The following MARCHF6 variants were observed in gnomAD, a reference collection of about 807,000 sequenced individuals.
The protein encoded by MARCHF6 is E3 ubiquitin-protein ligase MARCHF6.
In MARCHF6, 31 loss-of-function variants were observed where a neutral mutation model predicts 133.7. The observed-to-expected ratio is 0.23, with a 90% confidence interval of 0.17 to 0.31. The LOEUF is 0.31. Ranked by LOEUF, MARCHF6 falls within the 10% of genes least tolerant of loss-of-function variation. MARCHF6 has a pLI of 1.00. For synonymous variants in MARCHF6, 395 were observed against 402.5 expected (o/e 0.98, Z 0.22); for missense variants, 723 against 1,121.6 (o/e 0.64, Z 5.08).
chr5:10,417,823 T>C (rs1255498428), intron 22 of MARCHF6, among the ~76,000 whole-genome samples: 1 of 152,078 alleles, frequency 6.6e-6, no homozygotes, highest in East Asian at 1.9e-4. Context: ...TTTTTAATTC[T>C]AGGAACTCTT....
In MARCHF6 at chr5:10,384,941, ATCAG is replaced by A. The variant is rs1399242416; in HGVS notation, c.335-2049_335-2046del. On this transcript the variant is annotated intron_variant, in intron 4 of 25. Coordinates refer to ENST00000274140, the MANE Select transcript of MARCHF6 (RefSeq NM_005885.4). ...TTATTAATAGTACTTAAAAACTGATATCAGTCAAATGCCTATTAATAGTAGAATG... is the reference window on the plus strand; with the variant it reads ...TTATTAATAGTACTTAAAAACTGATATCAAATGCCTATTAATAGTAGAATG... Among the ~76,000 whole-genome samples the A allele has an allele frequency of 7.2e-4, 110 of 152,362 alleles. 1 individual carries two copies. Among genetic ancestry groups the A allele is most frequent in the Non-Finnish European group, 1.8e-4 (12 of 68,032 alleles).
Position 10,433,872 on chromosome 5 carries a change from G to A in MARCHF6, c.*188G>A, listed in dbSNP as rs1740484617. On this transcript the variant is annotated 3_prime_UTR_variant, in exon 26 of 26. Coordinates refer to ENST00000274140, the MANE Select transcript of MARCHF6 (RefSeq NM_005885.4). ...TCTCCCTGGATCTTCTGACATTACT[G>A]CTGTCTGAGATTTGTATATGTGTAA... 3 of 584,532 alleles carry A rather than the reference G, an allele frequency of 5.1e-6. No homozygotes were observed. The East Asian group carries it at 8.8e-5, about 17-fold the overall frequency. 36.2% of individuals were successfully genotyped at this position (584,532 alleles called of 1,614,324 possible).
intron 10 of MARCHF6, among the ~76,000 whole-genome samples, chr5:10,399,452 C>T (rs1054056678): frequency 6.6e-6 from 1 of 151,912 alleles, no homozygotes; most frequent in East Asian, 1.9e-4. Context: ...GTTTCCCACT[C>T]CCCTGGTAAT....
At chr5:10,366,693 T>C (rs1460552595) in intron 1 of MARCHF6, among the ~76,000 whole-genome samples, 1 of 152,170 alleles carries the variant, frequency 6.6e-6, no homozygotes, top group African/African-American at 2.4e-5. Context: ...TTAGAATTTA[T>C]TGGGTAGAAA....
intron 1 of MARCHF6, among the ~76,000 whole-genome samples, chr5:10,367,292 A>G (rs1736194670): frequency 6.6e-6 from 1 of 152,164 alleles, no homozygotes; most frequent in African/African-American, 2.4e-5. Flanking sequence ...TGAGTTAATG[A>G]CAATGTATCA....
intron 1 of MARCHF6, among the ~76,000 whole-genome samples, chr5:10,360,434 C>A (rs750435665): frequency 6.6e-6 from 1 of 152,060 alleles, no homozygotes; most frequent in South Asian, 2.1e-4. Flanking sequence ...CCACCGCGCC[C>A]GGCTGTATGT....
intron 3 of MARCHF6, among the ~76,000 whole-genome samples, 195 bp downstream of exon 3, chr5:10,379,027 C>G (rs367786370): frequency 4.3e-4 from 66 of 151,730 alleles, no homozygotes; most frequent in African/African-American, 1.5e-3. Context: ...AAACTGTATG[C>G]TGTCTTTTAT....
rs1205217572 is a variant in MARCHF6, at chr5:10,430,002, C to T, written c.2616C>T (p.Arg872=). ...ILSFQVRQFK[R]LYEHIKNDKY... ...CCTTCCAAGTCCGCCAGTTTAAGCG[C>T]CTTTATGAACATATTAAAAATGACA... Residue 872 remains arginine, a synonymous_variant, in exon 25 of 26, where the codon CGC becomes CGT. Transcript: ENST00000274140. 1.9e-6 allele frequency: 3 copies of T among 1,611,616 alleles called. No homozygotes were observed. Among genetic ancestry groups the T allele is most frequent in the Admixed American group, 1.7e-5 (1 of 59,962 alleles).
chr5:10,427,315 G>A (rs181474769), intron 24 of MARCHF6, among the ~76,000 whole-genome samples: 140 of 152,236 alleles, frequency 9.2e-4, no homozygotes, highest in African/African-American at 3.3e-3. Flanking sequence ...TCTCCACACT[G>A]GGCACAATGA....
chr5:10,409,179 A>C (rs1425099984), intron 17 of MARCHF6, among the ~76,000 whole-genome samples: 1 of 152,192 alleles, frequency 6.6e-6, no homozygotes, highest in African/African-American at 2.4e-5. Context: ...TAAAAGGTTT[A>C]CTCTACACAT....
chr5:10,417,506 G>A, intron 22 of MARCHF6, 102 bp downstream of exon 22: 6 of 1,485,168 alleles, frequency 4.0e-6, no homozygotes, highest in Non-Finnish European at 5.5e-6. Flanking sequence ...AGCACTTTGG[G>A]AGGCTGAGGT....
chr5:10,431,691 A>G (rs951003253), intron 25 of MARCHF6, among the ~76,000 whole-genome samples: 2 of 151,752 alleles, frequency 1.3e-5, no homozygotes, highest in Non-Finnish European at 2.9e-5. Context: ...AGTATGAGAG[A>G]GTGAGTGGTG....
At chr5:10,394,855 A>G (rs1738085921) in intron 9 of MARCHF6, 70 bp downstream of exon 9, 1 of 989,208 alleles carries the variant, frequency 1.0e-6, no homozygotes, top group African/African-American at 1.7e-5. Flanking sequence ...GCTGGACTGC[A>G]GTGGCGTGAT....
At chr5:10,374,631 A>C (rs1209074992) in intron 1 of MARCHF6, among the ~76,000 whole-genome samples, 1 of 152,222 alleles carries the variant, frequency 6.6e-6, no homozygotes, top group African/African-American at 2.4e-5. Flanking sequence ...AAGACTGATC[A>C]GAGTGAAAGT....
chr5:10,429,986 T>G lies in MARCHF6; in HGVS notation c.2600T>G (p.Val867Gly). 6.2e-7 allele frequency: 1 copy of G among 1,613,798 alleles called. No individual in the cohort carries two copies. The highest frequency in any genetic ancestry group is 8.5e-7 in the Non-Finnish European group (1 of 1,179,682). The change falls in exon 25 of 26, where the codon GTC becomes GGC. Residue 867 changes from valine (V) to glycine (G), a missense_variant. Val to Gly is a moderately radical substitution (Grantham distance 109, BLOSUM62 -3). This residue lies in a region of MARCHF6 where 492 missense variants were observed against 699.5 expected (regional missense o/e 0.70). Coordinates refer to ENST00000274140, the MANE Select transcript of MARCHF6 (RefSeq NM_005885.4). The stretch of plus-strand genomic sequence containing the variant: ...TTGATGGCAATTTTGTCCTTCCAAG[T>G]CCGCCAGTTTAAGCGCCTTTATGAA... The part of the protein sequence containing the change: ...VVLMAILSFQ[V>G]RQFKRLYEHI...
intron 1 of MARCHF6, among the ~76,000 whole-genome samples, chr5:10,355,765 A>G (rs906242856): frequency 3.9e-5 from 6 of 152,218 alleles, no homozygotes; most frequent in Non-Finnish European, 8.8e-5. Flanking sequence ...TGATTAAGTA[A>G]CTTGTCCAGG....
chr5:10,387,569 C>T (rs1737561981), intron 5 of MARCHF6, among the ~76,000 whole-genome samples: 1 of 152,154 alleles, frequency 6.6e-6, no homozygotes, highest in South Asian at 2.1e-4. Context: ...TCCCAAAGTG[C>T]TGGGATTACA....
At position 10,387,969 on chromosome 5, in the gene MARCHF6, C is replaced by A. The variant is rs138296860; in HGVS notation, c.407+903C>A. Among the ~76,000 whole-genome samples, 698 of 152,208 alleles carry A rather than the reference C, an allele frequency of 4.6e-3. 6 individuals carry two copies. The highest frequency in any genetic ancestry group is 0.016 in the African/African-American group (660 of 41,510). Reference sequence around the variant, plus strand: ...GAGTCACTGTGCTTGCCCAAGAGTTCGTTTTAACATGTGTTTTTAACATAC... The same window carrying A: ...GAGTCACTGTGCTTGCCCAAGAGTTAGTTTTAACATGTGTTTTTAACATAC... On this transcript the variant is annotated intron_variant, in intron 5 of 25. Coordinates refer to ENST00000274140, the MANE Select transcript of MARCHF6 (RefSeq NM_005885.4).
chr5:10,407,164 G>T lies in MARCHF6; in HGVS notation c.1515G>T (p.Val505=), dbSNP rs1444517924. Residue 505 remains valine (V), a synonymous_variant, in exon 17 of 26, where the codon GTG becomes GTT. Coordinates refer to ENST00000274140, the MANE Select transcript of MARCHF6 (RefSeq NM_005885.4). The part of the protein sequence containing the change: ...LWLPIRIIKS[V]LPNFLPYNVM... ...TTCCTATACGTATAATTAAGAGTGT[G>T]CTGCCTAATTTTCTTCCATACAATG... The T allele has an allele frequency of 6.2e-7, 1 of 1,612,494 alleles. No individual in the cohort carries two copies. Among genetic ancestry groups the T allele is most frequent in the East Asian group, 2.2e-5 (1 of 44,842 alleles).
Sources: gnomAD v4.1 joint callset for allele counts (sites outside exome capture counted in the v4.1 genomes callset) on GRCh38, gnomAD v4.1.1 for gene constraint, gnomAD v4.1.1 regional missense constraint, MANE v1.5 for transcripts, NCBI Gene and HGNC (gene_info 2026-07-23, HGNC 2026-07-21) for gene names.